Variants in FSTL5 observed in about 807,000 individuals in gnomAD.
FSTL5 encodes follistatin-related protein 5.
Under a neutral mutation model 89.1 loss-of-function variants are expected in FSTL5, and 62 were observed. The ratio of observed to expected loss-of-function variants is 0.70; its 90% CI spans 0.57 to 0.86. The LOEUF is 0.86. Among genes scored for constraint, FSTL5 ranks in the 40% least tolerant of loss-of-function variants. The pLI, the probability that FSTL5 is intolerant of heterozygous loss-of-function variation, is 0.00. For missense variants in FSTL5, 1,057 were observed against 1,001.6 expected (o/e 1.06, Z -0.75); for synonymous variants, 383 against 346.2 (o/e 1.11, Z -1.18).
chr4:161,777,101 C>T (rs1741437182), intron 4 of FSTL5, among the ~76,000 whole-genome samples: 1 of 151,902 alleles, frequency 6.6e-6, no homozygotes, highest in Non-Finnish European at 1.5e-5. Flanking sequence ...TTTTTTTCAG[C>T]TTCCACCTTT....
At chr4:161,890,082 C>T (rs1732938750) in intron 4 of FSTL5, among the ~76,000 whole-genome samples, 1 of 152,166 alleles carries the variant, frequency 6.6e-6, no homozygotes, top group Admixed American at 6.6e-5. Flanking sequence ...AAAATTAGTA[C>T]ATCTTTATTT....
rs188890247 is a variant in FSTL5 at position 161,599,410 on chromosome 4, C to T, written c.895-11835G>A. Among the ~76,000 whole-genome samples the T allele has an allele frequency of 4.6e-5, 7 of 152,184 alleles. No homozygotes were observed. The East Asian group carries it at 1.2e-3, about 25-fold the overall frequency. On this transcript the variant is annotated intron_variant, in intron 7 of 15. Coordinates refer to ENST00000306100, the MANE Select transcript of FSTL5 (RefSeq NM_020116.5). The stretch of plus-strand genomic sequence containing the variant: ...TCAAATATGAGCATATTCTAAAACT[C>T]AGACATATGAATGTACACACATAAA...
intron 8 of FSTL5, among the ~76,000 whole-genome samples, chr4:161,573,530 G>T (rs1380278861): frequency 1.5e-5 from 2 of 129,282 alleles, no homozygotes; most frequent in African/African-American, 3.0e-5. Context: ...GAGGTCGGGA[G>T]TTCGCTACCA....
intron 3 of FSTL5, among the ~76,000 whole-genome samples, chr4:161,992,917 T>TGTATACATATATACAC (rs1560957663): frequency 2.1e-4 from 3 of 14,236 alleles, no homozygotes; most frequent in African/African-American, 5.3e-4. Flanking sequence ...TATATATATA[T>TGTATACATATATACAC]ATATATATGT....
intron 15 of FSTL5, among the ~76,000 whole-genome samples, chr4:161,411,589 T>A (rs927723866): frequency 3.3e-5 from 5 of 152,168 alleles, no homozygotes; most frequent in Non-Finnish European, 7.4e-5. Flanking sequence ...AGAAACCATA[T>A]GATCAGCTCA....
At chr4:162,103,823 A>T (rs1200496523) in intron 2 of FSTL5, among the ~76,000 whole-genome samples, 1 of 152,178 alleles carries the variant, frequency 6.6e-6, no homozygotes, top group African/African-American at 2.4e-5. Flanking sequence ...CCGACCAATC[A>T]GAGAGCTCAC....
At chr4:161,514,230 C>G (rs1271830144) in intron 10 of FSTL5, among the ~76,000 whole-genome samples, 2 of 151,772 alleles carry the variant, frequency 1.3e-5, no homozygotes, top group Non-Finnish European at 2.9e-5. Context: ...AAGTATTACA[C>G]ACACACACAC....
chr4:161,668,181 A>G lies in FSTL5; in HGVS notation c.728-11687T>C, dbSNP rs373044360. 1.1e-3 allele frequency among the ~76,000 whole-genome samples: 167 copies of G among 152,266 alleles called. 4 individuals are homozygous for G. In the South Asian group the frequency reaches 0.033, roughly 30 times the overall value. ...GCAAAATTACCAATATCAGAAATAA[A>G]ATACAGTATTATTACAGATCCCATA... is the stretch of plus-strand genomic sequence containing the variant. On this transcript the variant is annotated intron_variant, in intron 6 of 15. Coordinates refer to ENST00000306100, the MANE Select transcript of FSTL5 (RefSeq NM_020116.5).
At chr4:162,066,529 A>G (rs777139554) in intron 2 of FSTL5, among the ~76,000 whole-genome samples, 1 of 150,214 alleles carries the variant, frequency 6.7e-6, no homozygotes, top group Non-Finnish European at 1.5e-5. Context: ...TCCATGATCT[A>G]GGTTTTATGC....
chr4:161,970,419 G>A (rs1472105624), intron 3 of FSTL5, among the ~76,000 whole-genome samples: 1 of 152,018 alleles, frequency 6.6e-6, no homozygotes, highest in African/African-American at 2.4e-5. Context: ...GCTATGGGGA[G>A]GAATACAGAT....
chr4:162,129,011 G>A lies in FSTL5; in HGVS notation c.-16-17599C>T, dbSNP rs1047742079. Among the ~76,000 whole-genome samples, 5 of 148,098 alleles carry A rather than the reference G, an allele frequency of 3.4e-5. 1 individual carries two copies. In the South Asian group the frequency reaches 1.1e-3, roughly 31 times the overall value. ...ATCTGGGCGGCTCGCTGCAACCTCC[G>A]GCTCCCGGGTTCAAGCGATTCTCCT... On this transcript the variant is annotated intron_variant, in intron 1 of 15. Transcript: ENST00000306100.
intron 3 of FSTL5, among the ~76,000 whole-genome samples, chr4:161,950,917 A>C (rs1226803563): frequency 6.6e-6 from 1 of 151,930 alleles, no homozygotes; most frequent in Non-Finnish European, 1.5e-5. Flanking sequence ...TGATGTTATT[A>C]TTATTATTAC....
At chr4:161,887,683 T>C (rs916006351) in intron 4 of FSTL5, among the ~76,000 whole-genome samples, 1 of 152,162 alleles carries the variant, frequency 6.6e-6, no homozygotes, top group Admixed American at 6.5e-5. Context: ...GTATAATTCA[T>C]AGATAAGCAA....
chr4:162,049,283 A>T (rs995177072), intron 2 of FSTL5, among the ~76,000 whole-genome samples: 6 of 152,168 alleles, frequency 3.9e-5, no homozygotes, highest in Admixed American at 6.6e-5. Flanking sequence ...TTATCAATGG[A>T]TGCTCTTTAC....
At chr4:162,025,562 G>T (rs995204157) in intron 3 of FSTL5, among the ~76,000 whole-genome samples, 1 of 151,968 alleles carries the variant, frequency 6.6e-6, no homozygotes, top group Non-Finnish European at 1.5e-5. Flanking sequence ...CATTTGAGCA[G>T]AATTTCCACT....
At position 161,804,769 on chromosome 4, in the gene FSTL5, C is replaced by T. The variant is rs549640542; in HGVS notation, c.410-28695G>A. On this transcript the variant is annotated intron_variant, in intron 4 of 15. Transcript: ENST00000306100. The stretch of plus-strand genomic sequence containing the variant: ...CTGGGGAAGAGAATGTAGGTAATTA[C>T]GAAGGGACTCTTAAGACCTTTAAAA... Among the ~76,000 whole-genome samples the T allele has an allele frequency of 2.0e-4, 30 of 152,078 alleles. No homozygotes were observed. The East Asian group carries it at 2.1e-3, about 11-fold the overall frequency.
intron 4 of FSTL5, among the ~76,000 whole-genome samples, chr4:161,792,552 C>A (rs1729513136): frequency 1.3e-5 from 2 of 152,070 alleles, no homozygotes; most frequent in African/African-American, 4.8e-5. Flanking sequence ...GCCAATGGAC[C>A]AATCAGTGCA....
intron 7 of FSTL5, 116 bp from the exon 8 acceptor site, chr4:161,587,691 T>G: frequency 1.5e-6 from 1 of 688,366 alleles, no homozygotes. Context: ...GTTTTAAAAT[T>G]ATCAAAATGA....
chr4:161,619,816 T>G (rs1168557083), intron 7 of FSTL5, among the ~76,000 whole-genome samples: 2 of 152,116 alleles, frequency 1.3e-5, no homozygotes, highest in Non-Finnish European at 2.9e-5. Flanking sequence ...AAATACCACT[T>G]GACCCAGCCA....
Sources: gnomAD v4.1 joint callset for allele counts (sites outside exome capture counted in the v4.1 genomes callset) on GRCh38, gnomAD v4.1.1 for gene constraint, MANE v1.5 for transcripts, NCBI Gene and HGNC (gene_info 2026-07-23, HGNC 2026-07-21) for gene names.